Variants in SLURP1 observed in about 807,000 individuals in gnomAD.
The protein encoded by SLURP1 is secreted Ly-6/uPAR-related protein 1.
A neutral mutation model predicts 7.9 loss-of-function variants in SLURP1; 2 were observed. That is an observed-to-expected ratio of 0.25 (90% CI 0.10 to 0.79). The LOEUF (loss-of-function observed/expected upper bound fraction) is 0.79. Among genes scored for constraint, SLURP1 ranks in the 30% least tolerant of loss-of-function variants. The pLI is 0.69. For synonymous variants in SLURP1, 59 were observed against 54.9 expected (o/e 1.07, Z -0.33); for missense variants, 111 against 139.8 (o/e 0.79, Z 1.04).
Position 142,741,283 on chromosome 8 carries a change from G to T in SLURP1, c.179-7C>A. On this transcript the variant is annotated splice_region_variant and splice_polypyrimidine_tract_variant and intron_variant, in intron 2 of 2. Coordinates refer to ENST00000246515, the MANE Select transcript of SLURP1 (RefSeq NM_020427.3). The surrounding 1 kb of genome is among the most constrained non-coding windows in gnomAD (Gnocchi z 4.3). ...CTCTGGTTGAAGGGGTACTCTGCAG[G>T]GTGGGCCAGTGTCAGAACCCTCACT... 6.3e-7 allele frequency: 1 copy of T among 1,587,104 alleles called. No homozygotes were observed.
In SLURP1 at chr8:142,741,129, C is replaced by T. The variant is rs886062732; in HGVS notation, c.*14G>A. On this transcript the variant is annotated 3_prime_UTR_variant, in exon 3 of 3. Coordinates refer to ENST00000246515, the MANE Select transcript of SLURP1 (RefSeq NM_020427.3). The surrounding 1 kb of genome is among the most constrained non-coding windows in gnomAD (Gnocchi z 4.3). ...AGGTGCCTGAGGAGCACCTTCCGCC[C>T]TGCCGCCCTGGGTTCAGAGTTCCGA... 2 of 1,602,472 alleles carry T rather than the reference C, an allele frequency of 1.2e-6. No homozygotes were observed. Among genetic ancestry groups the T allele is most frequent in the Non-Finnish European group, 1.7e-6 (2 of 1,179,884 alleles).
At position 142,741,152 on chromosome 8, in the gene SLURP1, C is replaced by T. The variant is rs1464257564; in HGVS notation, c.303G>A (p.Ser101=). ...IFCCFRDLCN[S]EL is the part of the protein sequence containing the mutation. Reference sequence around the variant, plus strand: ...CCCTGCCGCCCTGGGTTCAGAGTTCCGAGTTGCAGAGGTCTCGGAAGCAGC... The same window carrying T: ...CCCTGCCGCCCTGGGTTCAGAGTTCTGAGTTGCAGAGGTCTCGGAAGCAGC... Residue 101 remains serine (S), a synonymous_variant, in exon 3 of 3, where the codon TCG becomes TCA. Coordinates refer to ENST00000246515, the MANE Select transcript of SLURP1 (RefSeq NM_020427.3). This position sits in a 1 kb window ranked among gnomAD's most constrained non-coding sequence, Gnocchi z 4.3. The T allele has an allele frequency of 2.3e-5, 37 of 1,605,756 alleles. No homozygotes were observed. Among genetic ancestry groups the T allele is most frequent in the African/African-American group, 4.0e-5 (3 of 74,862 alleles).
At position 142,741,687 on chromosome 8, in the gene SLURP1, G is replaced by T; in HGVS notation, c.178+116C>A. 6.6e-7 allele frequency: 1 copy of T among 1,525,126 alleles called. No individual in the cohort carries two copies. The highest frequency in any genetic ancestry group is 8.9e-7 in the Non-Finnish European group (1 of 1,121,046). 94.5% of individuals were successfully genotyped at this position (1,525,126 alleles called of 1,614,324 possible). On this transcript the variant is annotated intron_variant, in intron 2 of 2. Coordinates refer to ENST00000246515, the MANE Select transcript of SLURP1 (RefSeq NM_020427.3). This position sits in a 1 kb window ranked among gnomAD's most constrained non-coding sequence, Gnocchi z 4.3. ...CTGCCAAGGTGTGGCAGCCTGTTCT[G>T]CCCATCCCACCTGCTGCCTTTTGGG...
chr8:142,741,360 C>T lies in SLURP1; in HGVS notation c.179-84G>A. The T allele has an allele frequency of 6.7e-7, 1 of 1,491,202 alleles. No homozygotes were observed. Among genetic ancestry groups the T allele is most frequent in the Non-Finnish European group, 8.9e-7 (1 of 1,118,634 alleles). The allele number at this position is 1,491,202 out of a possible 1,614,324, so 92.4% of individuals were successfully genotyped here. A position where few individuals can be genotyped will look rare whatever the true frequency, so the allele number is the denominator to read the frequency against. On this transcript the variant is annotated intron_variant, in intron 2 of 2. Transcript: ENST00000246515. The surrounding 1 kb of genome is among the most constrained non-coding windows in gnomAD (Gnocchi z 4.3). The stretch of plus-strand genomic sequence containing the variant: ...ACTGCTCCCAGCCGCCGTCGCCTGA[C>T]CTCACCCTCCCTGTGATCCCTGTTC...
chr8:142,742,085 A>T (rs1815880897), intron 1 of SLURP1, among the ~76,000 whole-genome samples, 163 bp from the exon 2 acceptor site: 1 of 152,134 alleles, frequency 6.6e-6, no homozygotes, highest in Non-Finnish European at 1.5e-5. Flanking sequence ...TGAGCCACAG[A>T]CTTGAATGCT....
In SLURP1 at chr8:142,742,325, C is replaced by G; in HGVS notation, c.58+3G>C. 1 of 1,612,938 alleles carries G rather than the reference C, an allele frequency of 6.2e-7. No homozygotes were observed. The highest frequency in any genetic ancestry group is 8.5e-7 in the Non-Finnish European group (1 of 1,179,996). On this transcript the variant is annotated splice_donor_region_variant and intron_variant, in intron 1 of 2. Coordinates refer to ENST00000246515, the MANE Select transcript of SLURP1 (RefSeq NM_020427.3). Reference sequence around the variant, plus strand: ...GGTCCCCACCAGCCTGCGGCCCACTCACCACAGCCCATGCTCCAGGCTGCC... The same window carrying G: ...GGTCCCCACCAGCCTGCGGCCCACTGACCACAGCCCATGCTCCAGGCTGCC...
rs894257145 is a variant in SLURP1, at chr8:142,741,661, C to T, written c.178+142G>A. On this transcript the variant is annotated intron_variant, in intron 2 of 2. Transcript: ENST00000246515. This position sits in a 1 kb window ranked among gnomAD's most constrained non-coding sequence, Gnocchi z 4.3. The stretch of plus-strand genomic sequence containing the variant: ...CTGTGCCACCCTCGTGGAAGGCACC[C>T]CTGCCAAGGTGTGGCAGCCTGTTCT... 5.1e-6 allele frequency: 7 copies of T among 1,367,656 alleles called. No individual in the cohort carries two copies. Among genetic ancestry groups the T allele is most frequent in the South Asian group, 3.7e-5 (3 of 81,860 alleles). The allele number at this position is 1,367,656 out of a possible 1,614,324, so 84.7% of individuals were successfully genotyped here.
Position 142,741,937 on chromosome 8 carries a change from G to C in SLURP1, c.59-15C>G. Reference sequence around the variant, plus strand: ...GAGGGCCTCACCTGGGTGAGGGATGGGGGCAGAACCTCATCACCTGACCTC... The same window carrying C: ...GAGGGCCTCACCTGGGTGAGGGATGCGGGCAGAACCTCATCACCTGACCTC... On this transcript the variant is annotated splice_polypyrimidine_tract_variant and intron_variant, in intron 1 of 2. Coordinates refer to ENST00000246515, the MANE Select transcript of SLURP1 (RefSeq NM_020427.3). This position sits in a 1 kb window ranked among gnomAD's most constrained non-coding sequence, Gnocchi z 4.3. 6.2e-7 allele frequency: 1 copy of C among 1,610,746 alleles called. No homozygotes were observed. Among genetic ancestry groups the C allele is most frequent in the African/African-American group, 1.3e-5 (1 of 75,060 alleles).
In SLURP1 at chr8:142,741,903, G is replaced by A; in HGVS notation, c.78C>T (p.Tyr26=). 2 of 1,612,820 alleles carry A rather than the reference G, an allele frequency of 1.2e-6. No homozygotes were observed. Among genetic ancestry groups the A allele is most frequent in the South Asian group, 2.2e-5 (2 of 91,074 alleles). ...CACTGGTCATGGGCTCCTTGCAGGTGTAGCACTTGAGGGCCTCACCTGGGT... is the reference window on the plus strand; with the variant it reads ...CACTGGTCATGGGCTCCTTGCAGGTATAGCACTTGAGGGCCTCACCTGGGT... ...SMGCGEALKC[Y]TCKEPMTSAS... is the part of the protein sequence containing the mutation. The change falls in exon 2 of 3, where the codon TAC becomes TAT. Residue 26 remains tyrosine (Y), a synonymous_variant. Transcript: ENST00000246515. The surrounding 1 kb of genome is among the most constrained non-coding windows in gnomAD (Gnocchi z 4.3).
rs1372972097 is a variant in SLURP1 at position 142,741,307 on chromosome 8, C to G, written c.179-31G>C. On this transcript the variant is annotated intron_variant, in intron 2 of 2. Coordinates refer to ENST00000246515, the MANE Select transcript of SLURP1 (RefSeq NM_020427.3). This position sits in a 1 kb window ranked among gnomAD's most constrained non-coding sequence, Gnocchi z 4.3. ...GGGTGGGCCAGTGTCAGAACCCTCA[C>G]TCCCCTGCAGCGCCTGCCTGCTGCT... The G allele has an allele frequency of 1.3e-6, 2 of 1,558,460 alleles. No individual in the cohort carries two copies. Among genetic ancestry groups the G allele is most frequent in the Non-Finnish European group, 1.7e-6 (2 of 1,157,188 alleles).
rs745736058 is a variant in SLURP1 at position 142,741,156 on chromosome 8, T to C, written c.299A>G (p.Asn100Ser). 4 of 1,606,358 alleles carry C rather than the reference T, an allele frequency of 2.5e-6. No homozygotes were observed. The highest frequency in any genetic ancestry group is 2.2e-5 in the East Asian group (1 of 44,854). The change falls in exon 3 of 3, where the codon AAC becomes AGC. Residue 100 changes from asparagine to serine, a missense_variant. Asn to Ser is a conservative substitution (Grantham distance 46, BLOSUM62 1). Transcript: ENST00000246515. The surrounding 1 kb of genome is among the most constrained non-coding windows in gnomAD (Gnocchi z 4.3). ...LIFCCFRDLC[N>S]SEL ...GCCGCCCTGGGTTCAGAGTTCCGAG[T>C]TGCAGAGGTCTCGGAAGCAGCAGAA...
Position 142,741,941 on chromosome 8 carries a change from C to T in SLURP1, c.59-19G>A. On this transcript the variant is annotated intron_variant, in intron 1 of 2. Coordinates refer to ENST00000246515, the MANE Select transcript of SLURP1 (RefSeq NM_020427.3). The surrounding 1 kb of genome is among the most constrained non-coding windows in gnomAD (Gnocchi z 4.3). ...GCCTCACCTGGGTGAGGGATGGGGG[C>T]AGAACCTCATCACCTGACCTCGGTG... The T allele has an allele frequency of 1.2e-6, 2 of 1,610,284 alleles. No homozygotes were observed. The highest frequency in any genetic ancestry group is 8.5e-7 in the Non-Finnish European group (1 of 1,179,906).
chr8:142,741,314 G>A lies in SLURP1; in HGVS notation c.179-38C>T. 1 of 1,548,226 alleles carries A rather than the reference G, an allele frequency of 6.5e-7. No individual in the cohort carries two copies. Among genetic ancestry groups the A allele is most frequent in the South Asian group, 1.2e-5 (1 of 85,246 alleles). ...CCAGTGTCAGAACCCTCACTCCCCT[G>A]CAGCGCCTGCCTGCTGCTGCACTGC... On this transcript the variant is annotated intron_variant, in intron 2 of 2. Transcript: ENST00000246515. The surrounding 1 kb of genome is among the most constrained non-coding windows in gnomAD (Gnocchi z 4.3).
chr8:142,741,588 C>A lies in SLURP1; in HGVS notation c.178+215G>T, dbSNP rs1252008501. Among the ~76,000 whole-genome samples the A allele has an allele frequency of 4.6e-5, 7 of 152,198 alleles. No homozygotes were observed. The highest frequency in any genetic ancestry group is 7.3e-5 in the Non-Finnish European group (5 of 68,032). On this transcript the variant is annotated intron_variant, in intron 2 of 2. Transcript: ENST00000246515. The surrounding 1 kb of genome is among the most constrained non-coding windows in gnomAD (Gnocchi z 4.3). Reference sequence around the variant, plus strand: ...CCCAGGGTACCCCGGCCATTAAGCCCCACCCACCTCCAGCGCCTGGTGCCC... The same window carrying A: ...CCCAGGGTACCCCGGCCATTAAGCCACACCCACCTCCAGCGCCTGGTGCCC...
rs373446291 is a variant in SLURP1, at chr8:142,741,485, C to T, written c.179-209G>A. Among the ~76,000 whole-genome samples, 8 of 152,182 alleles carry T rather than the reference C, an allele frequency of 5.3e-5. No individual in the cohort carries two copies. The highest frequency in any genetic ancestry group is 1.9e-4 in the East Asian group (1 of 5,180). On this transcript the variant is annotated intron_variant, in intron 2 of 2. Coordinates refer to ENST00000246515, the MANE Select transcript of SLURP1 (RefSeq NM_020427.3). The surrounding 1 kb of genome is among the most constrained non-coding windows in gnomAD (Gnocchi z 4.3). ...CCTTGTCAGACCTCTGAAGTGCCTG[C>T]GCTGAGATGGGAGCCCGAGCCCAGA...
At chr8:142,742,307 A>C (rs1587590561) in intron 1 of SLURP1, 21 bp downstream of exon 1, 2 of 1,611,928 alleles carry the variant, frequency 1.2e-6, no homozygotes, top group African/African-American at 2.7e-5. Context: ...CAGGGTCCCC[A>C]CCAGCCTGCG....
In SLURP1 at chr8:142,740,999, C is replaced by A. The variant is rs587658896; in HGVS notation, c.*144G>T. The A allele has an allele frequency of 2.7e-5, 33 of 1,221,128 alleles. No individual in the cohort carries two copies. The South Asian group carries it at 3.7e-4, about 14-fold the overall frequency. 75.6% of individuals were successfully genotyped at this position (1,221,128 alleles called of 1,614,324 possible). A position where few individuals can be genotyped will look rare whatever the true frequency, so the allele number is the denominator to read the frequency against. ...CGTGGGGTATGGAAGGCAGAGGGCG[C>A]CCCTGGTGTGCTTCTCTCCCCTCAG... On this transcript the variant is annotated 3_prime_UTR_variant, in exon 3 of 3. Transcript: ENST00000246515.
chr8:142,741,197 C>T lies in SLURP1; in HGVS notation c.258G>A (p.Gly86=). Reference sequence around the variant, plus strand: ...AGCAGCAGAAGATCAGGTGGGCGGCCCCGATGCTGTCGGGGTCGGTGGCCA... The same window carrying T: ...AGCAGCAGAAGATCAGGTGGGCGGCTCCGATGCTGTCGGGGTCGGTGGCCA... ...SCVATDPDSI[G]AAHLIFCCFR... Residue 86 remains glycine, a synonymous_variant, in exon 3 of 3, where the codon GGG becomes GGA. Coordinates refer to ENST00000246515, the MANE Select transcript of SLURP1 (RefSeq NM_020427.3). This position sits in a 1 kb window ranked among gnomAD's most constrained non-coding sequence, Gnocchi z 4.3. 1.2e-6 allele frequency: 2 copies of T among 1,609,956 alleles called. No individual in the cohort carries two copies. The highest frequency in any genetic ancestry group is 1.7e-6 in the Non-Finnish European group (2 of 1,179,938).
chr8:142,741,808 T>A lies in SLURP1; in HGVS notation c.173A>T (p.Glu58Val). Residue 58 changes from glutamate to valine, a missense_variant, in exon 2 of 3, where the codon GAG becomes GTG. By Grantham distance (121) the Glu-to-Val change is moderately radical (BLOSUM62 -2). Coordinates refer to ENST00000246515, the MANE Select transcript of SLURP1 (RefSeq NM_020427.3). The surrounding 1 kb of genome is among the most constrained non-coding windows in gnomAD (Gnocchi z 4.3). ...TACMTTLVTV[E>V]AEYPFNQSPV... ...GCCGTGGGGCCTGGCCTCACCTGCC[T>A]CCACCGTCACCAGCGTGGTCATGCA... 1 of 1,611,914 alleles carries A rather than the reference T, an allele frequency of 6.2e-7. No homozygotes were observed. Among genetic ancestry groups the A allele is most frequent in the Non-Finnish European group, 8.5e-7 (1 of 1,179,966 alleles).
Sources: gnomAD v4.1 joint callset for allele counts (sites outside exome capture counted in the v4.1 genomes callset) on GRCh38, gnomAD v4.1.1 for gene constraint, Gnocchi (gnomAD v3.1) non-coding constraint, MANE v1.5 for transcripts, NCBI Gene and HGNC (gene_info 2026-07-23, HGNC 2026-07-21) for gene names.